The following SH3BP2 variants were observed in gnomAD, a reference collection of about 807,000 sequenced individuals.
SH3BP2 encodes the protein SH3 domain binding protein 2.
SH3BP2 carries 38 observed loss-of-function variants against 56.2 expected under a neutral mutation model. The ratio of observed to expected loss-of-function variants is 0.68; its 90% CI spans 0.52 to 0.89. SH3BP2 has a LOEUF of 0.89. Among genes scored for constraint, SH3BP2 ranks in the 40% least tolerant of loss-of-function variants. The pLI is 0.00. For missense variants in SH3BP2, 748 were observed against 762.6 expected (o/e 0.98, Z 0.23); for synonymous variants, 346 against 316.7 (o/e 1.09, Z -0.98).
At chr4:2,793,991 T>G (rs960570791) in intron 1 of SH3BP2, among the ~76,000 whole-genome samples, 17 of 152,248 alleles carry the variant, frequency 1.1e-4, no homozygotes, top group African/African-American at 4.1e-4. Flanking sequence ...GAGCACCTCC[T>G]ATCCCCTCTC....
chr4:2,833,544 G>A lies in SH3BP2; in HGVS notation c.1549-153G>A, dbSNP rs541822584. On this transcript the variant is annotated intron_variant, in intron 12 of 12. Transcript: ENST00000503393. ...AACATGGAGAGCACAGGCCTGATGC[G>A]GAGGCCACCTTGGGGGCACCACCGA... is the stretch of plus-strand genomic sequence containing the variant. 222 of 906,816 alleles carry A rather than the reference G, an allele frequency of 2.4e-4. No individual in the cohort carries two copies. In the African/African-American group the frequency reaches 2.9e-3, roughly 12 times the overall value. 56.2% of individuals were successfully genotyped at this position (906,816 alleles called of 1,614,324 possible).
At chr4:2,824,007 A>T (rs1218971834) in intron 3 of SH3BP2, among the ~76,000 whole-genome samples, 2 of 152,254 alleles carry the variant, frequency 1.3e-5, no homozygotes, top group African/African-American at 2.4e-5. Context: ...CCCTGGGCCC[A>T]GTGGCAGATG....
rs1312017070 is a variant in SH3BP2, at chr4:2,829,850, G to C, written c.944G>C (p.Cys315Ser). Reference sequence around the variant, plus strand: ...CCCTGGACCCCTGGCCACGGGGCCTGCTCCACTTCCAGTGCTGCCATCATG... The same window carrying C: ...CCCTGGACCCCTGGCCACGGGGCCTCCTCCACTTCCAGTGCTGCCATCATG... ...PEPWTPGHGA[C>S]STSSAAIMAT... Residue 315 changes from cysteine (C) to serine (S), a missense_variant, in exon 8 of 13, where the codon TGC (cysteine) becomes TCC (serine). Around this residue, in one of 3 missense-constraint regions of SH3BP2, gnomAD observed 635 missense variants for 615.0 expected, o/e 1.03. Transcript: ENST00000503393. This position sits in a 1 kb window ranked among gnomAD's most constrained non-coding sequence, Gnocchi z 4.9. The C allele has an allele frequency of 1.9e-6, 3 of 1,613,580 alleles. No individual in the cohort carries two copies. The Admixed American group carries it at 5.0e-5, about 27-fold the overall frequency.
At chr4:2,806,438 T>C (rs1218706788) in intron 1 of SH3BP2, among the ~76,000 whole-genome samples, 1 of 152,134 alleles carries the variant, frequency 6.6e-6, no homozygotes, top group African/African-American at 2.4e-5. Context: ...CTCAAGTGAT[T>C]AAAAGGTAGA....
In SH3BP2 at chr4:2,840,964, A is replaced by G. The variant is rs1272563400; in HGVS notation, c.*7130A>G. On this transcript the variant is annotated 3_prime_UTR_variant, in exon 13 of 13. Transcript: ENST00000503393. ...AAATATTTTATGTTTCTTTTAGTCT[A>G]TTGTAAATTGTGTATTTTTAATTTC... 6.7e-6 allele frequency: 1 copy of G among 149,512 alleles called. No individual in the cohort carries two copies. The highest frequency in any genetic ancestry group is 1.5e-5 in the Non-Finnish European group (1 of 67,714). The allele number at this position is 149,512 out of a possible 1,614,324, so 9.3% of individuals were successfully genotyped here. A position where few individuals can be genotyped will look rare whatever the true frequency, so the allele number is the denominator to read the frequency against.
chr4:2,799,484 G>C (rs964824401), intron 1 of SH3BP2, among the ~76,000 whole-genome samples: 2 of 152,196 alleles, frequency 1.3e-5, no homozygotes, highest in Non-Finnish European at 2.9e-5. Flanking sequence ...ATGTTTTGTG[G>C]TCGGGGTGGC....
chr4:2,823,319 C>T (rs564493566), intron 3 of SH3BP2: 23 of 536,832 alleles, frequency 4.3e-5, no homozygotes, highest in East Asian at 1.8e-4. Context: ...AGTCTCCACT[C>T]GGCCACCACC....
intron 1 of SH3BP2, chr4:2,812,060 C>A: frequency 1.3e-6 from 1 of 764,616 alleles, no homozygotes; most frequent in Non-Finnish European, 1.9e-6. Flanking sequence ...ATGCAGCTGA[C>A]CTTGCGCTGG....
At chr4:2,800,306 G>A (rs1001050643) in intron 1 of SH3BP2, among the ~76,000 whole-genome samples, 7 of 152,134 alleles carry the variant, frequency 4.6e-5, no homozygotes, top group African/African-American at 1.4e-4. Context: ...TGCCTCCCTG[G>A]GGAGGGAAAG....
rs373418038 is a variant in SH3BP2, at chr4:2,831,769, G to A, written c.1350+90G>A. The stretch of plus-strand genomic sequence containing the variant: ...AGGCCAGGGCGGCCCCTCACAGACC[G>A]TCCTGAGCAAGGACCCCCCGAGAAC... On this transcript the variant is annotated intron_variant, in intron 9 of 12. Coordinates refer to ENST00000503393, the MANE Select transcript of SH3BP2 (RefSeq NM_001122681.2). This position sits in a 1 kb window ranked among gnomAD's most constrained non-coding sequence, Gnocchi z 4.1. 55 of 1,369,804 alleles carry A rather than the reference G, an allele frequency of 4.0e-5. No homozygotes were observed. Among genetic ancestry groups the A allele is most frequent in the South Asian group, 1.5e-4 (12 of 81,364 alleles). The allele number at this position is 1,369,804 out of a possible 1,614,324, so 84.9% of individuals were successfully genotyped here. A position where few individuals can be genotyped will look rare whatever the true frequency, so the allele number is the denominator to read the frequency against.
chr4:2,799,080 G>A (rs752933035), intron 1 of SH3BP2: 10 of 985,566 alleles, frequency 1.0e-5, no homozygotes, highest in Non-Finnish European at 1.1e-5. Context: ...CAGGGGTGCA[G>A]CCTCAGCCTC....
intron 1 of SH3BP2, among the ~76,000 whole-genome samples, chr4:2,802,442 G>A (rs1314612000): frequency 1.4e-5 from 2 of 142,680 alleles, no homozygotes; most frequent in African/African-American, 5.3e-5. Flanking sequence ...GTGTGTGTGT[G>A]TATGTATATA....
chr4:2,812,564 C>T, intron 1 of SH3BP2: 1 of 1,458,068 alleles, frequency 6.9e-7, no homozygotes. Context: ...CACGTGGGAG[C>T]CACAGCCTTC....
At position 2,829,745 on chromosome 4, in the gene SH3BP2, C is replaced by T. The variant is rs1724873015; in HGVS notation, c.839C>T (p.Pro280Leu). Residue 280 changes from proline (P) to leucine (L), a missense_variant, in exon 8 of 13, where the codon CCC (proline) becomes CTC (leucine). Pro to Leu is a moderately conservative substitution (Grantham distance 98). Transcript: ENST00000503393. This position sits in a 1 kb window ranked among gnomAD's most constrained non-coding sequence, Gnocchi z 4.9. ...GCTACCCCCCGAAGGATGAGCGATC[C>T]CCCTCTGAGCACCATGCCCACCGCA... Reference protein sequence around the residue: ...VPATPRRMSDPPLSTMPTAPG... With the variant: ...VPATPRRMSDLPLSTMPTAPG... 1.2e-6 allele frequency: 2 copies of T among 1,612,806 alleles called. No homozygotes were observed. The highest frequency in any genetic ancestry group is 2.7e-5 in the African/African-American group (2 of 74,864).
chr4:2,803,296 G>C (rs868779887), intron 1 of SH3BP2, among the ~76,000 whole-genome samples: 3 of 152,200 alleles, frequency 2.0e-5, no homozygotes, highest in African/African-American at 4.8e-5. Context: ...CCTACTGCAT[G>C]CCACCCCAGC....
At chr4:2,825,498 G>A (rs1379357836) in intron 5 of SH3BP2, among the ~76,000 whole-genome samples, 2 of 150,612 alleles carry the variant, frequency 1.3e-5, no homozygotes, top group Non-Finnish European at 3.0e-5. Context: ...AGAGCAACAC[G>A]TGGACATGCA....
intron 1 of SH3BP2, chr4:2,812,454 C>A (rs1723790011): frequency 6.5e-7 from 1 of 1,550,060 alleles, no homozygotes; most frequent in Non-Finnish European, 8.7e-7. Context: ...GACGGAGGGC[C>A]ATGTGTTGGG....
Position 2,833,354 on chromosome 4 carries a change from G to A in SH3BP2, c.1548+305G>A, listed in dbSNP as rs1041342452. On this transcript the variant is annotated intron_variant, in intron 12 of 12. Transcript: ENST00000503393. ...GGGTCTCACTGTCTTTCTCAGGCTG[G>A]TTTCAAATTCTGGGGCTCAAGCAAT... 7 of 572,852 alleles carry A rather than the reference G, an allele frequency of 1.2e-5. No individual in the cohort carries two copies. The Admixed American group carries it at 1.5e-4, about 12-fold the overall frequency. The allele number at this position is 572,852 out of a possible 1,614,324, so 35.5% of individuals were successfully genotyped here. A position where few individuals can be genotyped will look rare whatever the true frequency, so the allele number is the denominator to read the frequency against.
Position 2,836,134 on chromosome 4 carries a change from C to G in SH3BP2, c.*2300C>G, listed in dbSNP as rs1309792101. ...CCTCTGGCCAACTGGACAGTTGAGGCCTGTGGTTACCCGAAGCCCAGCTGG... is the reference window on the plus strand; with the variant it reads ...CCTCTGGCCAACTGGACAGTTGAGGGCTGTGGTTACCCGAAGCCCAGCTGG... On this transcript the variant is annotated 3_prime_UTR_variant, in exon 13 of 13. Transcript: ENST00000503393. The G allele has an allele frequency of 6.6e-6, 1 of 152,402 alleles. No homozygotes were observed. Among genetic ancestry groups the G allele is most frequent in the Non-Finnish European group, 1.5e-5 (1 of 68,122 alleles). The allele number at this position is 152,402 out of a possible 1,614,324, so 9.4% of individuals were successfully genotyped here.
Sources: allele counts gnomAD v4.1 joint callset (sites outside exome capture counted in the v4.1 genomes callset), GRCh38; gene constraint gnomAD v4.1.1; regional missense constraint gnomAD v4.1.1; non-coding constraint Gnocchi (gnomAD v3.1); transcripts MANE v1.5; gene names NCBI Gene and HGNC (gene_info 2026-07-23, HGNC 2026-07-21).